CSPP1: variants seen among roughly 807,000 people sequenced by gnomAD.
CSPP1 encodes the protein centrosome and spindle pole-associated protein 1.
CSPP1 carries 126 observed loss-of-function variants against 164.4 expected under a neutral mutation model. That is an observed-to-expected ratio of 0.77 (90% CI 0.66 to 0.89). The LOEUF is 0.89. CSPP1 is among the 40% of genes least tolerant of loss of function. CSPP1 has a pLI of 0.00. For missense variants in CSPP1, 1,395 were observed against 1,449.8 expected (o/e 0.96, Z 0.61); for synonymous variants, 472 against 476.7 (o/e 0.99, Z 0.13).
At chr8:67,115,699 G>A (rs1240929469) in intron 12 of CSPP1, among the ~76,000 whole-genome samples, 3 of 151,800 alleles carry the variant, frequency 2.0e-5, no homozygotes, top group Admixed American at 6.6e-5. Context: ...AAATAAGATA[G>A]ATAGATAGAT....
At chr8:67,159,952 TCC>T (rs1491024879) in intron 21 of CSPP1, among the ~76,000 whole-genome samples, 1,676 of 62,580 alleles carry the variant, frequency 0.027, 92 homozygotes, top group Middle Eastern at 0.056. Context: ...CTTCCTTCCT[TCC>T]TTCTTTCTTT....
chr8:67,158,603 C>A lies in CSPP1; in HGVS notation c.2391+7C>A. On this transcript the variant is annotated splice_region_variant and intron_variant, in intron 20 of 30. Transcript: ENST00000678616. ...AAGAGAGAAAGAGGAGGAGGTACAT[C>A]TTTTTTCCCTATTGTATTTTACTAC... 1 of 1,570,038 alleles carries A rather than the reference C, an allele frequency of 6.4e-7. No homozygotes were observed.
At chr8:67,186,619 T>A (rs1458903880) in intron 28 of CSPP1, among the ~76,000 whole-genome samples, 1 of 152,154 alleles carries the variant, frequency 6.6e-6, no homozygotes, top group African/African-American at 2.4e-5. Context: ...CCTGCTAAGA[T>A]CAGGATGTCC....
At chr8:67,163,910 G>A (rs1828838439) in intron 23 of CSPP1, 112 bp downstream of exon 23, 3 of 760,542 alleles carry the variant, frequency 3.9e-6, no homozygotes, top group Non-Finnish European at 6.4e-6. Context: ...GCGGTTAGGT[G>A]CTGTGTACCC....
chr8:67,185,321 G>A (rs924325192), intron 28 of CSPP1, among the ~76,000 whole-genome samples: 4 of 152,092 alleles, frequency 2.6e-5, no homozygotes, highest in Non-Finnish European at 4.4e-5. Flanking sequence ...ACTAAAGGCC[G>A]ACAAAGATTA....
At chr8:67,159,445 T>C (rs1252850884) in intron 21 of CSPP1, among the ~76,000 whole-genome samples, 1 of 151,548 alleles carries the variant, frequency 6.6e-6, no homozygotes, top group African/African-American at 2.4e-5. Flanking sequence ...GAACTGTTTG[T>C]TATGGTTCAT....
At chr8:67,176,281 C>G (rs917842151) in intron 26 of CSPP1, among the ~76,000 whole-genome samples, 1 of 152,074 alleles carries the variant, frequency 6.6e-6, no homozygotes, top group South Asian at 2.1e-4. Flanking sequence ...GATGCTCCTG[C>G]TAGTTATTTT....
chr8:67,082,674 G>C (rs1809456234), intron 3 of CSPP1, among the ~76,000 whole-genome samples: 1 of 152,092 alleles, frequency 6.6e-6, no homozygotes, highest in South Asian at 2.1e-4. Context: ...TATGATGAAT[G>C]CTCTGTTAGA....
At chr8:67,125,455 T>A (rs976491683) in intron 15 of CSPP1, among the ~76,000 whole-genome samples, 1 of 152,206 alleles carries the variant, frequency 6.6e-6, no homozygotes, top group Non-Finnish European at 1.5e-5. Flanking sequence ...TGGAGTTTGA[T>A]GCGCTTATTG....
intron 21 of CSPP1, among the ~76,000 whole-genome samples, chr8:67,161,328 T>C (rs973922559): frequency 6.6e-6 from 1 of 152,210 alleles, no homozygotes; most frequent in Non-Finnish European, 1.5e-5. Flanking sequence ...CTATAAGGTT[T>C]AATACACTAT....
At chr8:67,083,548 A>AAAAATATATATATATATATAT in intron 3 of CSPP1, 1 of 91,482 alleles carries the variant, frequency 1.1e-5, no homozygotes, top group African/African-American at 4.4e-5. Context: ...AAAAAAAAAA[A>AAAAATATATATATATATATAT]ATATATATAT....
chr8:67,082,501 C>T (rs1038702807), intron 3 of CSPP1, among the ~76,000 whole-genome samples: 1 of 152,136 alleles, frequency 6.6e-6, no homozygotes, highest in African/African-American at 2.4e-5. Context: ...AGTACAGTGT[C>T]TCCTCAATTA....
intron 16 of CSPP1, among the ~76,000 whole-genome samples, chr8:67,132,731 AT>A (rs1440051065): frequency 2.0e-5 from 3 of 152,212 alleles, no homozygotes; most frequent in Non-Finnish European, 2.9e-5. Flanking sequence ...TCCTAGGAGA[AT>A]AATGAGGCTA....
In CSPP1 at chr8:67,097,246, C is replaced by T. The variant is rs116468585; in HGVS notation, c.923+1514C>T. 8.0e-3 allele frequency among the ~76,000 whole-genome samples: 1,223 copies of T among 152,152 alleles called. 12 individuals carry two copies. The highest frequency in any genetic ancestry group is 0.028 in the African/African-American group (1,168 of 41,516). ...TTTTAAGTATTTTAGAAAATGTTTTCGGGGTAGTGCTGTACATTCAATATT... is the reference window on the plus strand; with the variant it reads ...TTTTAAGTATTTTAGAAAATGTTTTTGGGGTAGTGCTGTACATTCAATATT... On this transcript the variant is annotated intron_variant, in intron 7 of 30. Transcript: ENST00000678616.
chr8:67,141,215 G>T (rs1473359146), intron 17 of CSPP1, among the ~76,000 whole-genome samples: 2 of 152,048 alleles, frequency 1.3e-5, no homozygotes, highest in East Asian at 3.9e-4. Context: ...GAAGTGAGTA[G>T]GATAAATTTG....
intron 17 of CSPP1, among the ~76,000 whole-genome samples, chr8:67,143,598 T>G (rs1823923894): frequency 6.6e-6 from 1 of 152,164 alleles, no homozygotes; most frequent in Non-Finnish European, 1.5e-5. Context: ...CTAGTTAATT[T>G]CTCTCAGCAA....
intron 1 of CSPP1, 76 bp downstream of exon 1, chr8:67,064,614 G>A: frequency 1.3e-5 from 18 of 1,389,922 alleles, no homozygotes; most frequent in Non-Finnish European, 1.7e-5. Context: ...GGGGGCAGGG[G>A]CAGTGGCTCC....
intron 15 of CSPP1, among the ~76,000 whole-genome samples, chr8:67,127,099 G>C (rs1000338874): frequency 6.6e-6 from 1 of 151,872 alleles, no homozygotes; most frequent in Non-Finnish European, 1.5e-5. Flanking sequence ...GAAACTGAAA[G>C]GTCAAGGGCA....
chr8:67,149,655 A>G, intron 17 of CSPP1, 128 bp from the exon 18 acceptor site: 1 of 570,920 alleles, frequency 1.8e-6, no homozygotes, highest in Non-Finnish European at 2.9e-6. Context: ...GCACCAACAT[A>G]TCATTGAATT....
Sources: allele counts gnomAD v4.1 joint callset (sites outside exome capture counted in the v4.1 genomes callset), GRCh38; gene constraint gnomAD v4.1.1; transcripts MANE v1.5; gene names NCBI Gene and HGNC (gene_info 2026-07-23, HGNC 2026-07-21).